ATP10B: variants seen among roughly 807,000 people sequenced by gnomAD.
The protein encoded by ATP10B is phospholipid-transporting ATPase VB.
Under a neutral mutation model 141.2 loss-of-function variants are expected in ATP10B, and 122 were observed. The observed-to-expected ratio is 0.86, with a 90% CI of 0.75 to 1.00. The LOEUF is 1.00. Ranked by LOEUF, ATP10B falls within the 50% of genes least tolerant of loss-of-function variation. The probability of loss-of-function intolerance (pLI) is 0.00; values close to 1 mark genes in which losing one functional copy is unlikely to be tolerated. For missense variants in ATP10B, 1,876 were observed against 1,825.3 expected, an observed-to-expected ratio of 1.03 and a Z score of -0.51; for synonymous variants, 685 against 692.0, an observed-to-expected ratio of 0.99 and a Z score of 0.16.
intron 7 of ATP10B, among the ~76,000 whole-genome samples, chr5:160,651,381 G>A (rs78338164): frequency 6.6e-6 from 1 of 151,954 alleles, no homozygotes; most frequent in African/African-American, 2.4e-5. Context: ...CTTGAGGTGG[G>A]GAGATCTTGC....
intron 3 of ATP10B, among the ~76,000 whole-genome samples, chr5:160,693,978 G>A (rs1197461747): frequency 6.6e-6 from 1 of 152,218 alleles, no homozygotes; most frequent in Admixed American, 6.5e-5. Flanking sequence ...GTGGGCAGAA[G>A]CTGAGGCTGG....
At chr5:160,696,983 G>A (rs1029702717) in intron 3 of ATP10B, among the ~76,000 whole-genome samples, 2 of 152,158 alleles carry the variant, frequency 1.3e-5, no homozygotes, top group Non-Finnish European at 2.9e-5. Context: ...AAGATAAGGG[G>A]AATAGAGTGA....
chr5:160,889,012 G>T, the ATP10B span, among the ~76,000 whole-genome samples: 1 of 152,048 alleles, frequency 6.6e-6, no homozygotes, highest in Non-Finnish European at 1.5e-5. Flanking sequence ...AATCTACTGT[G>T]GGGAAAAAAT....
At chr5:160,651,954 T>C (rs1760770872) in intron 7 of ATP10B, among the ~76,000 whole-genome samples, 1 of 152,130 alleles carries the variant, frequency 6.6e-6, no homozygotes, top group South Asian at 2.1e-4. Context: ...CTCAGCTCAG[T>C]GGTGGGTCTC....
At chr5:160,592,711 T>G (rs1458796491) in intron 22 of ATP10B, among the ~76,000 whole-genome samples, 2 of 152,222 alleles carry the variant, frequency 1.3e-5, no homozygotes, top group African/African-American at 4.8e-5. Context: ...ACTCCCACCC[T>G]AATACTGTGC....
intron 6 of ATP10B, among the ~76,000 whole-genome samples, chr5:160,678,959 A>T (rs1421882040): frequency 1.3e-5 from 2 of 152,250 alleles, no homozygotes; most frequent in African/African-American, 4.8e-5. Flanking sequence ...CTATAGCTTC[A>T]TTATTTTCAA....
the ATP10B span, among the ~76,000 whole-genome samples, chr5:160,904,744 G>T: frequency 6.6e-6 from 1 of 152,210 alleles, no homozygotes; most frequent in Admixed American, 6.5e-5. Flanking sequence ...ATAGGAACGT[G>T]GGGGCTGGTG....
At chr5:160,904,438 A>G in the ATP10B span, among the ~76,000 whole-genome samples, 1 of 152,156 alleles carries the variant, frequency 6.6e-6, no homozygotes, top group African/African-American at 2.4e-5. Context: ...GACAAGGTAC[A>G]TGGTATCACA....
intron 1 of ATP10B, among the ~76,000 whole-genome samples, chr5:160,843,897 T>TAG (rs1265204813): frequency 1.3e-5 from 2 of 152,128 alleles, no homozygotes; most frequent in African/African-American, 4.8e-5. Context: ...TTTATACTTT[T>TAG]CTGTAATTTA....
chr5:160,598,163 T>C (rs1026874382), intron 22 of ATP10B, among the ~76,000 whole-genome samples: 2 of 151,186 alleles, frequency 1.3e-5, no homozygotes, highest in Non-Finnish European at 2.9e-5. Context: ...ATAGACTGGA[T>C]TAAGAAAATG....
In ATP10B at chr5:160,812,125, G is replaced by A. The variant is rs138013566; in HGVS notation, c.-575-26322C>T. On this transcript the variant is annotated intron_variant, in intron 1 of 25. Coordinates refer to ENST00000327245, the MANE Select transcript of ATP10B (RefSeq NM_025153.3). Reference sequence around the variant, plus strand: ...GGAAGACAACAAGAGTTTCTGCCTTGTAATCCAGAAAATTCTTCCAGGTCT... The same window carrying A: ...GGAAGACAACAAGAGTTTCTGCCTTATAATCCAGAAAATTCTTCCAGGTCT... 6.9e-3 allele frequency among the ~76,000 whole-genome samples: 1,043 copies of A among 151,932 alleles called. 16 individuals are homozygous for A. Among genetic ancestry groups the A allele is most frequent in the African/African-American group, 0.024 (982 of 41,452 alleles).
intron 1 of ATP10B, among the ~76,000 whole-genome samples, chr5:160,806,724 C>T (rs1215583072): frequency 6.6e-6 from 1 of 152,138 alleles, no homozygotes; most frequent in Non-Finnish European, 1.5e-5. Flanking sequence ...TTTTTATTCC[C>T]ATTTTATAGT....
chr5:160,606,910 G>A lies in ATP10B; in HGVS notation c.3015C>T (p.Ala1005=), dbSNP rs975433640. ...TCTTCTCTAGCTTTCCCTGGAAGATGGCATTCAATGTCTTCCCATCGATGA... is the reference window on the plus strand; with the variant it reads ...TCTTCTCTAGCTTTCCCTGGAAGATAGCATTCAATGTCTTCCCATCGATGA... ...GLVIDGKTLN[A]IFQGKLEKKF... The change falls in exon 19 of 26, where the codon GCC becomes GCT. Residue 1005 remains alanine (A), a synonymous_variant. Transcript: ENST00000327245. The A allele has an allele frequency of 2.8e-5, 46 of 1,614,134 alleles. No individual in the cohort carries two copies. The highest frequency in any genetic ancestry group is 3.9e-5 in the Non-Finnish European group (46 of 1,180,022).
intron 7 of ATP10B, among the ~76,000 whole-genome samples, chr5:160,657,786 G>C (rs767597210): frequency 6.6e-6 from 1 of 152,172 alleles, no homozygotes; most frequent in African/African-American, 2.4e-5. Flanking sequence ...GTCGCACCCT[G>C]TATCTCTCTT....
chr5:160,658,130 C>T (rs940196802), intron 7 of ATP10B, among the ~76,000 whole-genome samples: 2 of 152,188 alleles, frequency 1.3e-5, no homozygotes, highest in African/African-American at 4.8e-5. Flanking sequence ...CAATGTGTCA[C>T]CTCTGCTGAT....
At chr5:160,649,136 A>T (rs537231541) in intron 8 of ATP10B, 35 bp downstream of exon 8, 3 of 1,434,536 alleles carry the variant, frequency 2.1e-6, no homozygotes, top group Non-Finnish European at 2.9e-6. Flanking sequence ...TGCAGCGGAG[A>T]TATTTACTAG....
chr5:160,775,007 C>G (rs1770187100), intron 2 of ATP10B, among the ~76,000 whole-genome samples: 1 of 152,222 alleles, frequency 6.6e-6, no homozygotes, highest in Non-Finnish European at 1.5e-5. Flanking sequence ...CGTGGACCCA[C>G]CAGGCTCCTA....
chr5:160,597,812 A>G (rs1236145300), intron 22 of ATP10B, among the ~76,000 whole-genome samples: 1 of 152,216 alleles, frequency 6.6e-6, no homozygotes, highest in Non-Finnish European at 1.5e-5. Context: ...ATGACTGGCT[A>G]TCAGAGAAAT....
chr5:160,838,723 AT>A (rs1775625620), intron 1 of ATP10B, among the ~76,000 whole-genome samples: 2 of 152,138 alleles, frequency 1.3e-5, no homozygotes, highest in African/African-American at 2.4e-5. Context: ...GGTTAGGGAC[AT>A]TTTTGATGAT....
Sources: gnomAD v4.1 joint callset for allele counts (sites outside exome capture counted in the v4.1 genomes callset) on GRCh38, gnomAD v4.1.1 for gene constraint, MANE v1.5 for transcripts, NCBI Gene and HGNC (gene_info 2026-07-23, HGNC 2026-07-21) for gene names.